Variants in HPSE2 observed in about 807,000 individuals in gnomAD.
The protein encoded by HPSE2 is heparanase 2 (inactive), also known as inactive heparanase-2.
HPSE2 carries 38 observed loss-of-function variants against 60.5 expected under a neutral mutation model. That is an observed-to-expected ratio of 0.63 (90% CI 0.48 to 0.82). The LOEUF (loss-of-function observed/expected upper bound fraction) is 0.82. HPSE2 is among the 40% of genes least tolerant of loss of function. The pLI is 0.00. For synonymous variants in HPSE2, 295 were observed against 293.2 expected (o/e 1.01, Z -0.06); for missense variants, 713 against 740.4 (o/e 0.96, Z 0.43).
chr10:99,211,089 A>C (rs1414943719), intron 2 of HPSE2, among the ~76,000 whole-genome samples: 1 of 152,182 alleles, frequency 6.6e-6, no homozygotes, highest in Non-Finnish European at 1.5e-5. Flanking sequence ...ATCAACATAC[A>C]AAACTCACAA....
intron 3 of HPSE2, among the ~76,000 whole-genome samples, chr10:98,983,362 T>C (rs750682581): frequency 6.6e-6 from 1 of 152,158 alleles, no homozygotes; most frequent in Non-Finnish European, 1.5e-5. Context: ...CTCCGTAATC[T>C]CGTTTTGGTT....
At chr10:98,580,293 A>G (rs1314705527) in intron 9 of HPSE2, among the ~76,000 whole-genome samples, 1 of 151,516 alleles carries the variant, frequency 6.6e-6, no homozygotes, top group African/African-American at 2.4e-5. Flanking sequence ...TATCCCTTCA[A>G]CCCAGGGGCA....
intron 5 of HPSE2, among the ~76,000 whole-genome samples, chr10:98,697,102 A>T (rs1185400852): frequency 6.6e-6 from 1 of 152,186 alleles, no homozygotes; most frequent in Non-Finnish European, 1.5e-5. Context: ...TCTCCTCTAA[A>T]TGATCACAGT....
At chr10:98,578,328 G>A (rs1232274919) in intron 9 of HPSE2, among the ~76,000 whole-genome samples, 1 of 152,146 alleles carries the variant, frequency 6.6e-6, no homozygotes, top group African/African-American at 2.4e-5. Context: ...TTTGGATGGG[G>A]ACCCAAGTCA....
At chr10:99,061,612 G>C (rs752386363) in intron 3 of HPSE2, among the ~76,000 whole-genome samples, 1 of 152,136 alleles carries the variant, frequency 6.6e-6, no homozygotes, top group Non-Finnish European at 1.5e-5. Flanking sequence ...ATAAATGTTA[G>C]CTATTGTTAA....
At chr10:99,162,642 A>G (rs972594970) in intron 2 of HPSE2, among the ~76,000 whole-genome samples, 1 of 152,142 alleles carries the variant, frequency 6.6e-6, no homozygotes, top group Non-Finnish European at 1.5e-5. Context: ...CAAAGTACTC[A>G]TTATCTACCC....
intron 10 of HPSE2, among the ~76,000 whole-genome samples, chr10:98,484,301 G>A (rs1467923366): frequency 5.3e-5 from 8 of 151,476 alleles, no homozygotes; most frequent in African/African-American, 1.2e-4. Context: ...GCAGTGGCAC[G>A]ATCTGGGCTC....
At chr10:99,119,098 A>AGGGAGGGAGGGG (rs1844840630) in intron 3 of HPSE2, among the ~76,000 whole-genome samples, 1 of 69,836 alleles carries the variant, frequency 1.4e-5, no homozygotes. Flanking sequence ...AGAGAGAGAG[A>AGGGAGGGAGGGG]GGGAGGGAGG....
the HPSE2 span, among the ~76,000 whole-genome samples, chr10:99,307,514 C>T: frequency 6.6e-6 from 1 of 152,150 alleles, no homozygotes; most frequent in African/African-American, 2.4e-5. Flanking sequence ...GAAGTCCACT[C>T]CTCCAGGAAC....
intron 6 of HPSE2, among the ~76,000 whole-genome samples, chr10:98,650,331 T>C (rs1283487426): frequency 6.6e-6 from 1 of 152,230 alleles, no homozygotes; most frequent in African/African-American, 2.4e-5. Context: ...CAAACTTCTA[T>C]TGCCAGGCCA....
At chr10:98,473,009 T>A (rs887929946) in intron 11 of HPSE2, among the ~76,000 whole-genome samples, 1 of 152,036 alleles carries the variant, frequency 6.6e-6, no homozygotes, top group Non-Finnish European at 1.5e-5. Context: ...ATATGAAAAA[T>A]CTTCAGGCTC....
At position 98,580,836 on chromosome 10, in the gene HPSE2, A is replaced by ATATG; in HGVS notation, c.1320+34067_1320+34068insCATA. Among the ~76,000 whole-genome samples, 121 of 119,556 alleles carry ATATG rather than the reference A, an allele frequency of 1.0e-3. 3 individuals are homozygous for ATATG. Among genetic ancestry groups the ATATG allele is most frequent in the African/African-American group, 3.5e-3 (97 of 27,940 alleles). The allele number at this position is 119,556 out of a possible 152,430, so 78.4% of individuals were successfully genotyped here. On this transcript the variant is annotated intron_variant, in intron 9 of 11. Transcript: ENST00000370552. ...GTTGTGCTTGGTTTTATATATATAT[A>ATATG]TGTGTGTGTGTGTGTGTGTGTGTGT... is the stretch of plus-strand genomic sequence containing the variant.
intron 3 of HPSE2, among the ~76,000 whole-genome samples, chr10:98,905,373 A>C (rs1953785992): frequency 1.4e-5 from 2 of 143,726 alleles, no homozygotes; most frequent in Admixed American, 7.4e-5. Flanking sequence ...ATGTGATCTC[A>C]TTGTTCAATT....
rs779671429 is a variant in HPSE2, at chr10:98,580,824, T to TTATATATATATATATATATATATATA, written c.1320+34079_1320+34080insTATATATATATATATATATATATATA. Among the ~76,000 whole-genome samples, 269 of 128,378 alleles carry TTATATATATATATATATATATATATA rather than the reference T, an allele frequency of 2.1e-3. 1 individual carries two copies. Among genetic ancestry groups the TTATATATATATATATATATATATATA allele is most frequent in the Non-Finnish European group, 2.9e-3 (182 of 63,046 alleles). The allele number at this position is 128,378 out of a possible 152,430, so 84.2% of individuals were successfully genotyped here. On this transcript the variant is annotated intron_variant, in intron 9 of 11. Coordinates refer to ENST00000370552, the MANE Select transcript of HPSE2 (RefSeq NM_021828.5). The stretch of plus-strand genomic sequence containing the variant: ...CTGTTTAGTCAAGTTGTGCTTGGTT[T>TTATATATATATATATATATATATATA]TATATATATATATGTGTGTGTGTGT...
chr10:98,503,142 G>A (rs1189343877), intron 9 of HPSE2, among the ~76,000 whole-genome samples: 1 of 151,468 alleles, frequency 6.6e-6, no homozygotes, highest in African/African-American at 2.4e-5. Context: ...AACCCGGGAG[G>A]TGGAGGTTGC....
chr10:98,745,159 G>A (rs982574951), intron 3 of HPSE2, among the ~76,000 whole-genome samples: 12 of 152,126 alleles, frequency 7.9e-5, no homozygotes, highest in African/African-American at 2.7e-4. Flanking sequence ...CCGCGATTGC[G>A]CCACTGTACT....
chr10:99,020,486 C>T (rs1957238871), intron 3 of HPSE2, among the ~76,000 whole-genome samples: 1 of 152,176 alleles, frequency 6.6e-6, no homozygotes. Context: ...TGTGCTTTCC[C>T]TGGACTGAAA....
rs1358308862 is a variant in HPSE2, at chr10:99,229,859, C to T, written c.448+2489G>A. 3.3e-5 allele frequency among the ~76,000 whole-genome samples: 5 copies of T among 152,164 alleles called. No homozygotes were observed. The East Asian group carries it at 9.6e-4, about 29-fold the overall frequency. ...AAGAAGGCTTAATTACTTTAAGATG[C>T]TCATGATGATAACAGTTATCACTAG... On this transcript the variant is annotated intron_variant, in intron 2 of 11. Transcript: ENST00000370552.
At chr10:99,155,945 A>G (rs1009860130) in intron 2 of HPSE2, among the ~76,000 whole-genome samples, 1 of 151,738 alleles carries the variant, frequency 6.6e-6, no homozygotes, top group Non-Finnish European at 1.5e-5. Context: ...AGAAATACAA[A>G]CTACCATCAG....
Sources: allele counts gnomAD v4.1 joint callset (sites outside exome capture counted in the v4.1 genomes callset), GRCh38; gene constraint gnomAD v4.1.1; transcripts MANE v1.5; gene names NCBI Gene and HGNC (gene_info 2026-07-23, HGNC 2026-07-21).